DSCAM: variants seen among roughly 807,000 people sequenced by gnomAD.
DSCAM encodes the protein DS cell adhesion molecule.
In DSCAM, 47 loss-of-function variants were observed where a neutral mutation model predicts 217.7. The observed-to-expected ratio is 0.22, with a 90% CI of 0.17 to 0.28. The LOEUF is 0.28. Among genes scored for constraint, DSCAM ranks in the 10% least tolerant of loss-of-function variants. DSCAM has a pLI of 1.00. For synonymous variants in DSCAM, 1,056 were observed against 1,015.3 expected (o/e 1.04, Z -0.76); for missense variants, 2,080 against 2,618.3 (o/e 0.79, Z 4.49).
intron 21 of DSCAM, among the ~76,000 whole-genome samples, chr21:40,091,523 A>C (rs566655938): frequency 3.4e-4 from 51 of 151,744 alleles, no homozygotes; most frequent in Middle Eastern, 3.4e-3. Context: ...TCCATCTGAC[A>C]CTCCAGGTGA....
intron 3 of DSCAM, among the ~76,000 whole-genome samples, chr21:40,553,548 C>G (rs1001104408): frequency 1.3e-5 from 2 of 152,194 alleles, no homozygotes; most frequent in African/African-American, 2.4e-5. Flanking sequence ...GTGTCTAACT[C>G]TTTGCAAACA....
At chr21:40,751,174 C>A (rs1449769591) in intron 1 of DSCAM, among the ~76,000 whole-genome samples, 1 of 152,142 alleles carries the variant, frequency 6.6e-6, no homozygotes, top group Non-Finnish European at 1.5e-5. Flanking sequence ...ATCCCCAGGA[C>A]TCTATCACTT....
intron 1 of DSCAM, among the ~76,000 whole-genome samples, chr21:40,816,189 C>T (rs971502421): frequency 3.3e-5 from 5 of 152,104 alleles, no homozygotes; most frequent in East Asian, 1.9e-4. Context: ...GCTGTACAAA[C>T]GAGAAGAAGT....
intron 1 of DSCAM, among the ~76,000 whole-genome samples, chr21:40,799,496 C>T (rs958498354): frequency 3.9e-5 from 6 of 152,170 alleles, no homozygotes; most frequent in African/African-American, 1.2e-4. Context: ...CAGATTTATT[C>T]TCTTACAATT....
At chr21:40,150,137 C>G (rs73225234) in intron 16 of DSCAM, among the ~76,000 whole-genome samples, 6,746 of 152,268 alleles carry the variant, frequency 0.044, 201 homozygotes, top group African/African-American at 0.077. Context: ...CTTCTTTACA[C>G]ATGAAGAAAC....
intron 11 of DSCAM, among the ~76,000 whole-genome samples, chr21:40,215,517 A>G (rs1651455062): frequency 6.6e-6 from 1 of 152,144 alleles, no homozygotes; most frequent in Non-Finnish European, 1.5e-5. Context: ...ACTTGGATGA[A>G]ACTGGGGGCC....
chr21:40,381,421 G>A (rs1460902591), intron 3 of DSCAM, among the ~76,000 whole-genome samples: 1 of 152,214 alleles, frequency 6.6e-6, no homozygotes, highest in Non-Finnish European at 1.5e-5. Context: ...GGCTGGAAGG[G>A]AATGTGTATT....
chr21:40,767,980 G>A (rs2091410492), intron 1 of DSCAM, among the ~76,000 whole-genome samples: 1 of 151,910 alleles, frequency 6.6e-6, no homozygotes, highest in South Asian at 2.1e-4. Flanking sequence ...ATATGCAAAT[G>A]TTCAGTGACA....
chr21:40,767,884 CT>C (rs2091408025), intron 1 of DSCAM, among the ~76,000 whole-genome samples: 1 of 148,754 alleles, frequency 6.7e-6, no homozygotes, highest in Admixed American at 7.9e-5. Flanking sequence ...ACCATTTTCT[CT>C]CTTTCTCTCT....
chr21:40,699,652 T>G (rs2090634519), intron 2 of DSCAM, among the ~76,000 whole-genome samples: 2 of 152,190 alleles, frequency 1.3e-5, no homozygotes, highest in Non-Finnish European at 2.9e-5. Context: ...ATGATTAAAC[T>G]AGCCACAACA....
At position 40,042,553 on chromosome 21, in the gene DSCAM, GTGA is replaced by G; in HGVS notation, c.5501_5503del (p.Ile1834del). The G allele has an allele frequency of 6.2e-7, 1 of 1,614,204 alleles. No individual in the cohort carries two copies. The highest frequency in any genetic ancestry group is 8.5e-7 in the Non-Finnish European group (1 of 1,180,040). On this transcript the variant is annotated inframe_deletion, in exon 32 of 33. Transcript: ENST00000400454. ...TGACGTGTCTGATATGAAGCACTCC[GTGA>G]TGGTGAACTTGGCGTGCCTCAGTTG...
At chr21:40,105,709 G>A (rs1217187690) in intron 20 of DSCAM, among the ~76,000 whole-genome samples, 1 of 151,936 alleles carries the variant, frequency 6.6e-6, no homozygotes, top group Non-Finnish European at 1.5e-5. Flanking sequence ...TAGGATAACA[G>A]GGAAAAAAGA....
At chr21:40,778,843 G>A (rs1485718085) in intron 1 of DSCAM, among the ~76,000 whole-genome samples, 1 of 151,844 alleles carries the variant, frequency 6.6e-6, no homozygotes, top group African/African-American at 2.4e-5. Flanking sequence ...TGACCAAAAT[G>A]GAGAAAACCC....
intron 1 of DSCAM, among the ~76,000 whole-genome samples, chr21:40,777,895 T>C (rs1409508946): frequency 1.3e-5 from 2 of 152,076 alleles, no homozygotes; most frequent in African/African-American, 4.8e-5. Flanking sequence ...AATGAAGCCA[T>C]AGAGCAAGGA....
At chr21:40,695,770 C>T (rs2146455823) in intron 2 of DSCAM, among the ~76,000 whole-genome samples, 1 of 152,230 alleles carries the variant, frequency 6.6e-6, no homozygotes, top group South Asian at 2.1e-4. Flanking sequence ...ACTTCTAATC[C>T]TTTTACAGAA....
intron 32 of DSCAM, among the ~76,000 whole-genome samples, chr21:40,018,789 T>C (rs565618569): frequency 6.6e-6 from 1 of 152,362 alleles, no homozygotes; most frequent in South Asian, 2.1e-4. Context: ...TCCTTCCTAA[T>C]GGAAACAGCT....
rs553420106 is a variant in DSCAM at position 40,362,292 on chromosome 21, T to TA, written c.655+6806dup. Among the ~76,000 whole-genome samples, 261 of 151,350 alleles carry TA rather than the reference T, an allele frequency of 1.7e-3. 2 individuals are homozygous for TA. In the South Asian group the frequency reaches 0.017, roughly 10 times the overall value. On this transcript the variant is annotated intron_variant, in intron 4 of 32. Transcript: ENST00000400454. ...CCTAAAACTTAAAGTATAATAATAA[T>TA]AAAAAAAAAGAAACCAGGTAGTTAC... is the stretch of plus-strand genomic sequence containing the variant.
At chr21:40,521,986 G>A (rs2076362941) in intron 3 of DSCAM, among the ~76,000 whole-genome samples, 1 of 152,166 alleles carries the variant, frequency 6.6e-6, no homozygotes, top group African/African-American at 2.4e-5. Flanking sequence ...CAATAATTGT[G>A]TGTCAATTAA....
At chr21:40,268,525 G>T (rs1464277965) in intron 11 of DSCAM, among the ~76,000 whole-genome samples, 1 of 151,860 alleles carries the variant, frequency 6.6e-6, no homozygotes, top group Non-Finnish European at 1.5e-5. Context: ...ATTGAAATAG[G>T]CGCAATTACC....
Sources: gnomAD v4.1 joint callset for allele counts (sites outside exome capture counted in the v4.1 genomes callset) on GRCh38, gnomAD v4.1.1 for gene constraint, MANE v1.5 for transcripts, NCBI Gene and HGNC (gene_info 2026-07-23, HGNC 2026-07-21) for gene names.